The following LPP variants were observed in gnomAD, a reference collection of about 807,000 sequenced individuals.
LPP encodes lipoma-preferred partner.
A neutral mutation model predicts 60.4 loss-of-function variants in LPP; 38 were observed. The ratio of observed to expected loss-of-function variants is 0.63; its 90% confidence interval spans 0.49 to 0.83. The LOEUF is 0.83. Ranked by LOEUF, LPP falls within the 40% of genes least tolerant of loss-of-function variation. LPP has a pLI of 0.00. For missense variants in LPP, 902 were observed against 783.6 expected (o/e 1.15, Z -1.80); for synonymous variants, 328 against 290.8 (o/e 1.13, Z -1.30).
chr3:188,839,471 C>A (rs1306717820), intron 9 of LPP, among the ~76,000 whole-genome samples: 1 of 152,198 alleles, frequency 6.6e-6, no homozygotes. Context: ...CATTGCAAGA[C>A]TGAGCTAACA....
chr3:188,588,184 A>G (rs1837900317), intron 6 of LPP, among the ~76,000 whole-genome samples: 1 of 152,222 alleles, frequency 6.6e-6, no homozygotes, highest in Non-Finnish European at 1.5e-5. Flanking sequence ...GTAAAATAAC[A>G]TTTTGCAAGC....
chr3:188,538,278 G>A (rs1588872), intron 6 of LPP, among the ~76,000 whole-genome samples: 72,687 of 151,986 alleles, frequency 0.48, 18,230 homozygotes, highest in East Asian at 0.92. Flanking sequence ...CAAACAATCC[G>A]TGGAATTTGC....
intron 4 of LPP, among the ~76,000 whole-genome samples, chr3:188,450,347 T>C (rs1024997009): frequency 3.9e-5 from 6 of 152,218 alleles, no homozygotes; most frequent in Non-Finnish European, 8.8e-5. Context: ...ATCTCCAATA[T>C]ATACCCTGCC....
intron 6 of LPP, among the ~76,000 whole-genome samples, chr3:188,595,828 G>A (rs749141995): frequency 7.9e-5 from 12 of 152,046 alleles, no homozygotes; most frequent in East Asian, 1.9e-4. Context: ...TTATATAAAC[G>A]CAATCCTATT....
chr3:188,489,341 G>A (rs1382688335), intron 5 of LPP, among the ~76,000 whole-genome samples: 3 of 152,080 alleles, frequency 2.0e-5, no homozygotes, highest in Non-Finnish European at 4.4e-5. Flanking sequence ...GAGAGTGAGG[G>A]AAGTAAATTA....
chr3:188,535,238 A>T (rs1246835406), intron 6 of LPP, among the ~76,000 whole-genome samples: 1 of 152,176 alleles, frequency 6.6e-6, no homozygotes, highest in Non-Finnish European at 1.5e-5. Flanking sequence ...GTTTCATTGT[A>T]TTGAGTCACA....
intron 2 of LPP, among the ~76,000 whole-genome samples, chr3:188,265,557 T>C (rs1247917778): frequency 2.6e-5 from 4 of 152,002 alleles, no homozygotes; most frequent in African/African-American, 7.3e-5. Context: ...GAAGGCAAGG[T>C]GTTCTGTTTG....
chr3:188,862,862 A>G (rs747378633), intron 9 of LPP, among the ~76,000 whole-genome samples: 5 of 152,004 alleles, frequency 3.3e-5, no homozygotes, highest in Non-Finnish European at 5.9e-5. Context: ...TTGCTTAAAG[A>G]CTTTCTTTTT....
chr3:188,809,223 G>A (rs991048566), intron 9 of LPP, among the ~76,000 whole-genome samples: 3 of 152,084 alleles, frequency 2.0e-5, no homozygotes, highest in African/African-American at 7.2e-5. Flanking sequence ...TGGATCAAAT[G>A]GTATTTCTGG....
At chr3:188,778,807 C>A (rs2150820512) in intron 9 of LPP, among the ~76,000 whole-genome samples, 1 of 152,312 alleles carries the variant, frequency 6.6e-6, no homozygotes, top group East Asian at 1.9e-4. Context: ...AACTTTGTGA[C>A]TGCCACTAAA....
intron 9 of LPP, among the ~76,000 whole-genome samples, chr3:188,858,506 G>C (rs548768796): frequency 1.1e-4 from 16 of 152,246 alleles, no homozygotes; most frequent in African/African-American, 3.9e-4. Flanking sequence ...TTCCGATTTA[G>C]TAAAGCTCAG....
At chr3:188,508,601 T>C (rs1002320432) in intron 5 of LPP, among the ~76,000 whole-genome samples, 3 of 152,222 alleles carry the variant, frequency 2.0e-5, no homozygotes, top group African/African-American at 7.2e-5. Context: ...CTCAGAAGAC[T>C]TTATTAACAC....
chr3:188,526,724 T>A (rs1179974039), intron 6 of LPP, among the ~76,000 whole-genome samples: 3 of 152,232 alleles, frequency 2.0e-5, no homozygotes, highest in Non-Finnish European at 1.5e-5. Context: ...CTATCCATCC[T>A]GTGAGCAGTA....
At chr3:188,561,111 GA>G (rs1229235143) in intron 6 of LPP, among the ~76,000 whole-genome samples, 1 of 152,088 alleles carries the variant, frequency 6.6e-6, no homozygotes, top group Non-Finnish European at 1.5e-5. Flanking sequence ...TTTCTTGCAT[GA>G]GAATGAAATT....
chr3:188,416,074 A>G (rs535997143), intron 4 of LPP, among the ~76,000 whole-genome samples: 1 of 148,582 alleles, frequency 6.7e-6, no homozygotes, highest in East Asian at 2.0e-4. Context: ...ACTCTGTACT[A>G]TTTTTGCAAC....
At chr3:188,338,482 T>A (rs1420050845) in intron 2 of LPP, among the ~76,000 whole-genome samples, 2 of 152,240 alleles carry the variant, frequency 1.3e-5, no homozygotes, top group Non-Finnish European at 2.9e-5. Flanking sequence ...CTTATGAAAA[T>A]GACCAAATTA....
At chr3:188,690,181 T>A (rs1457080472) in intron 7 of LPP, among the ~76,000 whole-genome samples, 1 of 152,314 alleles carries the variant, frequency 6.6e-6, no homozygotes, top group Non-Finnish European at 1.5e-5. Flanking sequence ...GCAGAGAGAT[T>A]ATGTGACATA....
chr3:188,411,248 T>A (rs542406148), intron 4 of LPP, among the ~76,000 whole-genome samples: 21 of 152,246 alleles, frequency 1.4e-4, no homozygotes, highest in Middle Eastern at 3.4e-3. Context: ...AGAATAGTCA[T>A]AATTAAAAAA....
At chr3:188,714,986 A>G (rs545601570) in intron 8 of LPP, among the ~76,000 whole-genome samples, 30 of 152,308 alleles carry the variant, frequency 2.0e-4, no homozygotes, top group Admixed American at 9.1e-4. Context: ...CAGCTCATCT[A>G]CAGGAAGCCT....
Sources: gnomAD v4.1 joint callset for allele counts (sites outside exome capture counted in the v4.1 genomes callset) on GRCh38, gnomAD v4.1.1 for gene constraint, MANE v1.5 for transcripts, NCBI Gene and HGNC (gene_info 2026-07-23, HGNC 2026-07-21) for gene names.